PCNX1: variants seen among roughly 807,000 people sequenced by gnomAD.
PCNX1 encodes pecanex 1, also known as pecanex-like protein 1.
Under a neutral mutation model 242.2 loss-of-function variants are expected in PCNX1, and 78 were observed. The observed-to-expected ratio is 0.32, with a 90% CI of 0.27 to 0.39. The LOEUF (loss-of-function observed/expected upper bound fraction) is 0.39. Ranked by LOEUF, PCNX1 falls within the 10% of genes least tolerant of loss-of-function variation. The pLI is 1.00. For missense variants in PCNX1, 2,581 were observed against 2,856.5 expected (o/e 0.90, Z 2.20); for synonymous variants, 1,024 against 1,032.9 (o/e 0.99, Z 0.17).
At chr14:70,975,256 G>A (rs1187679534) in intron 5 of PCNX1, among the ~76,000 whole-genome samples, 1 of 152,034 alleles carries the variant, frequency 6.6e-6, no homozygotes, top group East Asian at 1.9e-4. Flanking sequence ...ATTACAAAAC[G>A]TACAATGCTA....
rs1392201406 is a variant in PCNX1 at position 71,050,696 on chromosome 14, T to C, written c.4383T>C (p.Ile1461=). Residue 1461 remains isoleucine, a synonymous_variant, in exon 23 of 36, where the codon ATT becomes ATC. Coordinates refer to ENST00000304743, the MANE Select transcript of PCNX1 (RefSeq NM_014982.3). ...AATTGCAGTTTGTGTATACCTATAT[T>C]GCCCCATGGCAGATCACATGGGGTT... The part of the protein sequence containing the change: ...LYKLQFVYTY[I]APWQITWGSA... The C allele has an allele frequency of 6.2e-7, 1 of 1,612,816 alleles. No individual in the cohort carries two copies. Among genetic ancestry groups the C allele is most frequent in the African/African-American group, 1.3e-5 (1 of 74,916 alleles).
At chr14:71,009,606 CT>C in intron 8 of PCNX1, 27 bp from the exon 9 acceptor site, 4 of 1,335,682 alleles carry the variant, frequency 3.0e-6, no homozygotes, top group South Asian at 1.4e-5. Context: ...ATTCTAATGG[CT>C]TTTTAAAATA....
In PCNX1 at chr14:71,047,919, G is replaced by A; in HGVS notation, c.4273G>A (p.Asp1425Asn). 1 of 1,613,080 alleles carries A rather than the reference G, an allele frequency of 6.2e-7. No homozygotes were observed. Among genetic ancestry groups the A allele is most frequent in the East Asian group, 2.2e-5 (1 of 44,784 alleles). Residue 1425 changes from aspartate (D) to asparagine (N), a missense_variant, in exon 22 of 36, where the codon GAC becomes AAC. By Grantham distance (23) the Asp-to-Asn change is conservative (BLOSUM62 1). Around this residue, in one of 9 missense-constraint regions of PCNX1, gnomAD observed 432 missense variants for 443.1 expected, o/e 0.97. Coordinates refer to ENST00000304743, the MANE Select transcript of PCNX1 (RefSeq NM_014982.3). Reference sequence around the variant, plus strand: ...CTTTACTGTGCTGTTTTTCAAATTTGACTATGAAGCTTTTTCAGAGACCAT... The same window carrying A: ...CTTTACTGTGCTGTTTTTCAAATTTAACTATGAAGCTTTTTCAGAGACCAT... Reference protein sequence around the residue: ...VIFTVLFFKFDYEAFSETMLL... With the variant: ...VIFTVLFFKFNYEAFSETMLL...
intron 1 of PCNX1, among the ~76,000 whole-genome samples, chr14:70,922,156 T>TTA (rs1566569767): frequency 6.6e-6 from 1 of 152,204 alleles, no homozygotes; most frequent in Non-Finnish European, 1.5e-5. Flanking sequence ...ATAGTACAAC[T>TTA]TATATAGTGC....
At chr14:71,021,880 T>TA (rs1017256170) in intron 12 of PCNX1, among the ~76,000 whole-genome samples, 1 of 152,170 alleles carries the variant, frequency 6.6e-6, no homozygotes, top group African/African-American at 2.4e-5. Flanking sequence ...CTCTAGGACT[T>TA]ATGTGGTTAT....
At chr14:70,967,875 A>G (rs1317048573) in intron 3 of PCNX1, among the ~76,000 whole-genome samples, 1 of 152,180 alleles carries the variant, frequency 6.6e-6, no homozygotes, top group Non-Finnish European at 1.5e-5. Context: ...TGAACGTGTC[A>G]TGATGTAGTA....
In PCNX1 at chr14:71,050,750, T is replaced by TG; in HGVS notation, c.4438dup (p.Ala1480GlyfsTer47). ...CTTTCCATGCTTTTGCTCAGCCTTT[T>TG]GCAGTGCCTCGTATCCTTCTAATTA... On this transcript the variant is annotated frameshift_variant, in exon 23 of 36. Transcript: ENST00000304743. LOFTEE classifies it high-confidence loss of function. 1 of 1,613,722 alleles carries TG rather than the reference T, an allele frequency of 6.2e-7. No homozygotes were observed. The highest frequency in any genetic ancestry group is 8.5e-7 in the Non-Finnish European group (1 of 1,179,838).
At chr14:70,949,275 A>G (rs1229238100) in intron 2 of PCNX1, among the ~76,000 whole-genome samples, 1 of 38,278 alleles carries the variant, frequency 2.6e-5, no homozygotes, top group Non-Finnish European at 7.8e-5. Context: ...GTATGCACAC[A>G]CGTGTATACA....
intron 24 of PCNX1, among the ~76,000 whole-genome samples, chr14:71,052,620 T>C (rs1231200398): frequency 6.6e-6 from 1 of 152,200 alleles, no homozygotes. Context: ...AATAATACTC[T>C]GCAACTTTAT....
chr14:71,108,347 A>T (rs958965923), intron 33 of PCNX1, among the ~76,000 whole-genome samples: 4 of 152,350 alleles, frequency 2.6e-5, no homozygotes, highest in Middle Eastern at 3.4e-3. Flanking sequence ...TTTAATTATT[A>T]ATTGTCTTTC....
At chr14:71,067,013 G>A (rs1049003979) in intron 26 of PCNX1, among the ~76,000 whole-genome samples, 1 of 151,898 alleles carries the variant, frequency 6.6e-6, no homozygotes. Context: ...CTGTCTGCCA[G>A]TATCTTATTG....
intron 25 of PCNX1, among the ~76,000 whole-genome samples, 163 bp downstream of exon 25, chr14:71,055,725 T>C (rs1467099745): frequency 6.6e-6 from 1 of 152,212 alleles, no homozygotes; most frequent in Admixed American, 6.5e-5. Context: ...ATATATAAAT[T>C]ACAGTATCTA....
chr14:70,941,466 G>A (rs1301591728), intron 1 of PCNX1, among the ~76,000 whole-genome samples: 1 of 152,182 alleles, frequency 6.6e-6, no homozygotes, highest in Non-Finnish European at 1.5e-5. Flanking sequence ...AATGGCAATT[G>A]TTGCTGCTTG....
intron 26 of PCNX1, among the ~76,000 whole-genome samples, chr14:71,068,402 G>GCA (rs1555373100): frequency 1.3e-5 from 2 of 148,244 alleles, no homozygotes; most frequent in African/African-American, 5.0e-5. Flanking sequence ...TTATGTATAC[G>GCA]TATATATATG....
intron 6 of PCNX1, 97 bp from the exon 7 acceptor site, chr14:70,988,470 T>C: frequency 1.6e-6 from 2 of 1,261,502 alleles, no homozygotes; most frequent in South Asian, 2.7e-5. Context: ...AAGTTCACTT[T>C]ACCCATGAGG....
intron 1 of PCNX1, among the ~76,000 whole-genome samples, chr14:70,927,071 C>T (rs74666579): frequency 0.097 from 14,771 of 152,164 alleles, 961 homozygotes; most frequent in Admixed American, 0.2. Flanking sequence ...AATAACAGTA[C>T]TTTCTTCAAA....
At chr14:70,918,889 T>G (rs1206670830) in intron 1 of PCNX1, among the ~76,000 whole-genome samples, 2 of 151,786 alleles carry the variant, frequency 1.3e-5, no homozygotes, top group East Asian at 1.9e-4. Flanking sequence ...TTTTGGTTTT[T>G]TTTTTTTTTT....
At position 71,053,365 on chromosome 14, in the gene PCNX1, C is replaced by T. The variant is rs777845087; in HGVS notation, c.4577+1353C>T. 15 of 437,006 alleles carry T rather than the reference C, an allele frequency of 3.4e-5. 1 individual carries two copies. Among genetic ancestry groups the T allele is most frequent in the East Asian group, 2.2e-4 (3 of 13,830 alleles). 27.1% of individuals were successfully genotyped at this position (437,006 alleles called of 1,614,324 possible). ...TCGACTCACTGCAACCTCCGCCTCCCGGAGTGCAATGGCGCCATCTTGATT... is the reference window on the plus strand; with the variant it reads ...TCGACTCACTGCAACCTCCGCCTCCTGGAGTGCAATGGCGCCATCTTGATT... On this transcript the variant is annotated intron_variant, in intron 24 of 35. Transcript: ENST00000304743.
chr14:70,968,473 A>G lies in PCNX1; in HGVS notation c.514+230A>G, dbSNP rs371127212. ...ACTTACATTACATTGCGTGAATTAC[A>G]TAAGTTTTGATCTATAAGAAACTTC... On this transcript the variant is annotated intron_variant, in intron 4 of 35. Transcript: ENST00000304743. Among the ~76,000 whole-genome samples, 553 of 152,364 alleles carry G rather than the reference A, an allele frequency of 3.6e-3. 1 individual carries two copies. The highest frequency in any genetic ancestry group is 0.013 in the African/African-American group (532 of 41,586).
Sources: gnomAD v4.1 joint callset for allele counts (sites outside exome capture counted in the v4.1 genomes callset) on GRCh38, gnomAD v4.1.1 for gene constraint, gnomAD v4.1.1 regional missense constraint, MANE v1.5 for transcripts, NCBI Gene and HGNC (gene_info 2026-07-23, HGNC 2026-07-21) for gene names.